HS3ST2: variants seen among roughly 807,000 people sequenced by gnomAD.
The protein encoded by HS3ST2 is heparan sulfate-glucosamine 3-sulfotransferase 2.
A neutral mutation model predicts 26.3 loss-of-function variants in HS3ST2; 17 were observed. The observed-to-expected ratio is 0.65, with a 90% CI of 0.44 to 0.97. The LOEUF is 0.97. Ranked by LOEUF, HS3ST2 falls within the 50% of genes least tolerant of loss-of-function variation. The pLI is 0.00. For synonymous variants in HS3ST2, 237 were observed against 219.2 expected, an observed-to-expected ratio of 1.08 and a Z score of -0.72; for missense variants, 402 against 501.2, an observed-to-expected ratio of 0.80 and a Z score of 1.89.
chr16:22,910,886 C>T (rs772337163), intron 1 of HS3ST2, among the ~76,000 whole-genome samples: 36 of 152,006 alleles, frequency 2.4e-4, no homozygotes, highest in Non-Finnish European at 4.4e-4. Context: ...AGGATGGTTG[C>T]ACATAAGGAT....
At chr16:22,895,070 C>CTTTTTTTTTTTTTTT (rs55861016) in intron 1 of HS3ST2, among the ~76,000 whole-genome samples, 2 of 134,720 alleles carry the variant, frequency 1.5e-5, no homozygotes, top group African/African-American at 2.7e-5. Context: ...TTCTTTCTTT[C>CTTTTTTTTTTTTTTT]TTTTTTTTTT....
intron 1 of HS3ST2, among the ~76,000 whole-genome samples, chr16:22,844,259 C>G (rs1054391400): frequency 2.0e-5 from 3 of 152,016 alleles, no homozygotes; most frequent in African/African-American, 7.2e-5. Context: ...TTTTATTTCT[C>G]ACTTTGGGAT....
intron 1 of HS3ST2, among the ~76,000 whole-genome samples, chr16:22,898,581 G>C (rs961571078): frequency 1.3e-5 from 2 of 152,120 alleles, no homozygotes; most frequent in African/African-American, 2.4e-5. Context: ...AAGGACTGGG[G>C]GATTCAAGAG....
chr16:22,846,226 G>A (rs947037005), intron 1 of HS3ST2, among the ~76,000 whole-genome samples: 1 of 151,496 alleles, frequency 6.6e-6, no homozygotes, highest in Non-Finnish European at 1.5e-5. Flanking sequence ...GCAGTGAGCC[G>A]AGATCATGCC....
At chr16:22,908,872 CTG>C (rs1357340767) in intron 1 of HS3ST2, among the ~76,000 whole-genome samples, 2 of 152,160 alleles carry the variant, frequency 1.3e-5, no homozygotes, top group African/African-American at 2.4e-5. Flanking sequence ...AGAGGCCAGA[CTG>C]TAAAAGATAG....
chr16:22,837,946 A>G (rs1370386331), intron 1 of HS3ST2, among the ~76,000 whole-genome samples: 1 of 152,076 alleles, frequency 6.6e-6, no homozygotes, highest in Non-Finnish European at 1.5e-5. Context: ...ACATTCATCT[A>G]CTGTTTGTGG....
At chr16:22,880,517 T>C (rs1181075548) in intron 1 of HS3ST2, among the ~76,000 whole-genome samples, 4 of 152,232 alleles carry the variant, frequency 2.6e-5, no homozygotes, top group Non-Finnish European at 4.4e-5. Context: ...CCCAGATATA[T>C]ACATCTGTTG....
intron 1 of HS3ST2, among the ~76,000 whole-genome samples, chr16:22,870,907 A>G (rs1002459860): frequency 1.3e-5 from 2 of 152,202 alleles, no homozygotes; most frequent in Non-Finnish European, 2.9e-5. Context: ...CGTAACTTAC[A>G]ATGGTTCAAC....
chr16:22,875,736 C>CACAT (rs554447024), intron 1 of HS3ST2, among the ~76,000 whole-genome samples: 169 of 152,296 alleles, frequency 1.1e-3, no homozygotes, highest in African/African-American at 3.8e-3. Context: ...CCTAGGCCCT[C>CACAT]ACATTTATTC....
intron 1 of HS3ST2, among the ~76,000 whole-genome samples, chr16:22,837,143 A>G (rs1901269126): frequency 6.6e-6 from 1 of 151,318 alleles, no homozygotes; most frequent in South Asian, 2.1e-4. Flanking sequence ...CATTATTTAA[A>G]TAGAAACGGA....
At chr16:22,910,037 C>CAAA (rs774757407) in intron 1 of HS3ST2, among the ~76,000 whole-genome samples, 42,897 of 96,416 alleles carry the variant, frequency 0.44, 8,937 homozygotes, top group Admixed American at 0.53. Context: ...AACTCCATCT[C>CAAA]AAAAAAAAAA....
chr16:22,832,968 C>G (rs1251493955), intron 1 of HS3ST2, among the ~76,000 whole-genome samples: 1 of 152,080 alleles, frequency 6.6e-6, no homozygotes, highest in Non-Finnish European at 1.5e-5. Flanking sequence ...CAGAACACCC[C>G]CAGAGCTGGG....
intron 1 of HS3ST2, among the ~76,000 whole-genome samples, chr16:22,851,085 G>C (rs530288882): frequency 6.6e-6 from 1 of 152,138 alleles, no homozygotes; most frequent in African/African-American, 2.4e-5. Flanking sequence ...AAGGGCAAGC[G>C]TTTCCAGAGG....
chr16:22,818,474 T>G (rs1380168339), intron 1 of HS3ST2, among the ~76,000 whole-genome samples: 1 of 152,198 alleles, frequency 6.6e-6, no homozygotes. Context: ...TGCTACTAAT[T>G]ACTACAACAC....
At chr16:22,899,930 C>G (rs1406231986) in intron 1 of HS3ST2, among the ~76,000 whole-genome samples, 2 of 152,162 alleles carry the variant, frequency 1.3e-5, no homozygotes, top group African/African-American at 4.8e-5. Flanking sequence ...CATATCAGCC[C>G]CCTTTGTGTT....
intron 1 of HS3ST2, among the ~76,000 whole-genome samples, chr16:22,886,597 G>A (rs769965341): frequency 2.3e-4 from 35 of 152,070 alleles, no homozygotes; most frequent in Admixed American, 3.9e-4. Context: ...TCTAAGTAGC[G>A]GGCCTGACAT....
chr16:22,915,767 C>A lies in HS3ST2; in HGVS notation c.*205C>A. ...ACTAGTTTTCATCAGTCTGTTCAAGCAAAGTTGATCTGCTCCTGGCACGTC... is the reference window on the plus strand; with the variant it reads ...ACTAGTTTTCATCAGTCTGTTCAAGAAAAGTTGATCTGCTCCTGGCACGTC... On this transcript the variant is annotated 3_prime_UTR_variant, in exon 2 of 2. Transcript: ENST00000261374. 1 of 593,156 alleles carries A rather than the reference C, an allele frequency of 1.7e-6. No individual in the cohort carries two copies. The highest frequency in any genetic ancestry group is 3.0e-6 in the Non-Finnish European group (1 of 334,854). The allele number at this position is 593,156 out of a possible 1,614,324, so 36.7% of individuals were successfully genotyped here. A position where few individuals can be genotyped will look rare whatever the true frequency, so the allele number is the denominator to read the frequency against.
intron 1 of HS3ST2, among the ~76,000 whole-genome samples, chr16:22,827,378 CATT>C (rs1901104315): frequency 6.6e-6 from 1 of 152,104 alleles, no homozygotes; most frequent in South Asian, 2.1e-4. Context: ...TGAGTTAAGG[CATT>C]ATATGATCTG....
intron 1 of HS3ST2, among the ~76,000 whole-genome samples, chr16:22,859,687 A>T (rs1239217672): frequency 6.6e-6 from 1 of 152,208 alleles, no homozygotes; most frequent in African/African-American, 2.4e-5. Flanking sequence ...GCTAGGCTTG[A>T]TGGAAAATTC....
Sources: gnomAD v4.1 joint callset for allele counts (sites outside exome capture counted in the v4.1 genomes callset) on GRCh38, gnomAD v4.1.1 for gene constraint, MANE v1.5 for transcripts, NCBI Gene and HGNC (gene_info 2026-07-23, HGNC 2026-07-21) for gene names.